Variants in ELOF1 observed in about 807,000 individuals in gnomAD.
The protein encoded by ELOF1 is transcription elongation factor 1 homolog.
In ELOF1, 4 loss-of-function variants were observed where a neutral mutation model predicts 7.1. The ratio of observed to expected loss-of-function variants is 0.56; its 90% CI spans 0.28 to 1.29. The LOEUF (loss-of-function observed/expected upper bound fraction) is 1.29. ELOF1 is among the 50% of genes most tolerant of loss of function. The pLI, the probability that ELOF1 is intolerant of heterozygous loss-of-function variation, is 0.10. For missense variants in ELOF1, 59 were observed against 86.3 expected, an observed-to-expected ratio of 0.68 and a Z score of 1.25; for synonymous variants, 31 against 31.9, an observed-to-expected ratio of 0.97 and a Z score of 0.09.
intron 3 of ELOF1, chr19:11,553,164 G>A (rs941227191): frequency 5.0e-6 from 2 of 400,826 alleles, no homozygotes; most frequent in East Asian, 3.6e-5. Context: ...ATGGGGAGGG[G>A]GGCGGCTCCC....
intron 1 of ELOF1, among the ~76,000 whole-genome samples, chr19:11,556,179 G>A (rs1341197908): frequency 6.6e-6 from 1 of 152,088 alleles, no homozygotes; most frequent in East Asian, 1.9e-4. Context: ...ACACACACAC[G>A]ACTGCTGGTT....
At chr19:11,553,098 C>T (rs1599616774) in intron 3 of ELOF1, 1 of 401,356 alleles carries the variant, frequency 2.5e-6, no homozygotes, top group East Asian at 3.6e-5. Context: ...GTCCCCATCC[C>T]AGCCCTTGCT....
chr19:11,553,223 G>T (rs1243157668), intron 3 of ELOF1: 1 of 398,790 alleles, frequency 2.5e-6, no homozygotes, highest in African/African-American at 2.1e-5. Context: ...TTGAATCCCC[G>T]GCCACGGGCA....
intron 1 of ELOF1, chr19:11,555,544 G>C (rs1972819819): frequency 6.6e-6 from 1 of 152,390 alleles, no homozygotes; most frequent in Non-Finnish European, 1.5e-5. Context: ...GTGACACTCA[G>C]GTTATCTGAT....
In ELOF1 at chr19:11,558,548, C is replaced by G. The variant is rs574219708; in HGVS notation, c.-19+643G>C. ...CTTGAAGCCAGGAGTTCCAGACCAG[C>G]CTGGGAAACAGAGTGAGACCCTTCA... On this transcript the variant is annotated intron_variant, in intron 1 of 3. Coordinates refer to ENST00000586683, the Ensembl canonical transcript of ELOF1. 4.6e-5 allele frequency among the ~76,000 whole-genome samples: 7 copies of G among 151,970 alleles called. No individual in the cohort carries two copies. In the South Asian group the frequency reaches 1.0e-3, roughly 23 times the overall value.
At chr19:11,554,274 G>A in exon 2 of ELOF1, 1 of 1,614,034 alleles carries the variant, frequency 6.2e-7, no homozygotes, top group Non-Finnish European at 8.5e-7. Context: ...GAAGGGGCAG[G>A]TGAACTGGGT....
intron 3 of ELOF1, chr19:11,553,595 A>C (rs914186125): frequency 2.0e-6 from 1 of 488,234 alleles, no homozygotes; most frequent in Non-Finnish European, 3.2e-6. Context: ...ACACACACAC[A>C]CACACACACA....
Position 11,553,812 on chromosome 19 carries a change from T to G in ELOF1, c.187+199A>C. On this transcript the variant is annotated intron_variant, in intron 3 of 3. Transcript: ENST00000586683. The stretch of plus-strand genomic sequence containing the variant: ...ACACATCCACGGGTTCTGACAGATC[T>G]GGGCCACTTAGGTCAAGGGCGATCA... 1.2e-6 allele frequency: 2 copies of G among 1,614,206 alleles called. No homozygotes were observed. Among genetic ancestry groups the G allele is most frequent in the Non-Finnish European group, 1.7e-6 (2 of 1,180,038 alleles).
intron 1 of ELOF1, among the ~76,000 whole-genome samples, chr19:11,558,685 C>G (rs1026988686): frequency 1.3e-5 from 2 of 151,152 alleles, no homozygotes; most frequent in African/African-American, 4.9e-5. Flanking sequence ...TATGATCGCG[C>G]CACTGCACTC....
intron 2 of ELOF1, 53 bp downstream of exon 2, chr19:11,554,179 A>T (rs767264985): frequency 6.5e-5 from 105 of 1,613,550 alleles, no homozygotes; most frequent in Non-Finnish European, 8.4e-5. Context: ...GATGGAGAAC[A>T]GCGGGGAAGA....
At chr19:11,553,180 G>C (rs1972753421) in intron 3 of ELOF1, 1 of 400,022 alleles carries the variant, frequency 2.5e-6, no homozygotes, top group South Asian at 1.4e-4. Flanking sequence ...CTCCCTGTCA[G>C]GGCCCAGCCC....
At chr19:11,553,582 TACACACACACACACACACACACAC>T (rs57015096) in intron 3 of ELOF1, 9,157 of 606,036 alleles carry the variant, frequency 0.015, 62 homozygotes, top group East Asian at 0.035. Context: ...GCACACCCAC[TACACACACACACACACACACACAC>T]ACACACACAC....
At chr19:11,557,830 T>C (rs1599621317) in intron 1 of ELOF1, among the ~76,000 whole-genome samples, 1 of 151,780 alleles carries the variant, frequency 6.6e-6, no homozygotes, top group African/African-American at 2.4e-5. Flanking sequence ...GAGGCGGAGG[T>C]TGCAGTGAGC....
At chr19:11,554,459 T>C (rs571230021) in intron 1 of ELOF1, 94 bp from the exon 2 acceptor site, 4 of 1,504,496 alleles carry the variant, frequency 2.7e-6, no homozygotes, top group African/African-American at 1.4e-5. Flanking sequence ...GGTCTGGGAC[T>C]TGCACCGTGG....
intron 3 of ELOF1, chr19:11,553,334 T>C (rs1248811919): frequency 2.3e-6 from 1 of 444,014 alleles, no homozygotes; most frequent in African/African-American, 1.9e-5. Flanking sequence ...GGGCTTCCCT[T>C]GTCCAGGATG....
chr19:11,553,410 G>A (rs1341592367), intron 3 of ELOF1: 1 of 482,758 alleles, frequency 2.1e-6, no homozygotes. Flanking sequence ...GCCAGGGGCT[G>A]CAGGGAACAC....
At chr19:11,553,622 C>G in intron 3 of ELOF1, 1 of 895,174 alleles carries the variant, frequency 1.1e-6, no homozygotes, top group East Asian at 2.6e-5. Flanking sequence ...CACACACACA[C>G]ACACACACAC....
rs1972790235 is a variant in ELOF1 at position 11,554,217 on chromosome 19, C to T, written c.116+15G>A. 9.9e-6 allele frequency: 16 copies of T among 1,612,804 alleles called. No homozygotes were observed. Among genetic ancestry groups the T allele is most frequent in the Non-Finnish European group, 1.4e-5 (16 of 1,179,094 alleles). On this transcript the variant is annotated intron_variant, in intron 2 of 3. Transcript: ENST00000586683. Reference sequence around the variant, plus strand: ...CAGTGGGGAGGCTGGATCCCTTGCCCTGTTCCCCACTCACATTTTCACATC... The same window carrying T: ...CAGTGGGGAGGCTGGATCCCTTGCCTTGTTCCCCACTCACATTTTCACATC...
intron 3 of ELOF1, 38 bp downstream of exon 3, chr19:11,553,973 C>T: frequency 6.2e-7 from 1 of 1,613,966 alleles, no homozygotes; most frequent in Non-Finnish European, 8.5e-7. Flanking sequence ...CCAGCCCCCT[C>T]CCCACCCTCT....
Sources: allele counts gnomAD v4.1 joint callset (sites outside exome capture counted in the v4.1 genomes callset), GRCh38; gene constraint gnomAD v4.1.1; transcripts MANE v1.5; gene names NCBI Gene and HGNC (gene_info 2026-07-23, HGNC 2026-07-21).